The following ACVR1C variants were observed in gnomAD, a reference collection of about 807,000 sequenced individuals.
The protein encoded by ACVR1C is activin A receptor type 1C.
In ACVR1C, 23 loss-of-function variants were observed where a neutral mutation model predicts 57.9. The ratio of observed to expected loss-of-function variants is 0.40; its 90% CI spans 0.29 to 0.56. ACVR1C has a LOEUF of 0.56. Ranked by LOEUF, ACVR1C falls within the 20% of genes least tolerant of loss-of-function variation. ACVR1C has a pLI of 0.50. For missense variants in ACVR1C, 480 were observed against 607.9 expected (o/e 0.79, Z 2.21); for synonymous variants, 214 against 215.3 (o/e 0.99, Z 0.05).
chr2:157,593,519 G>A lies in ACVR1C; in HGVS notation c.74-6102C>T, dbSNP rs1490970242. ...AAATATTTTTTTAATTCAGAAAACTGTCTCAGATTTGACCTGCTGAATATG... is the reference window on the plus strand; with the variant it reads ...AAATATTTTTTTAATTCAGAAAACTATCTCAGATTTGACCTGCTGAATATG... On this transcript the variant is annotated intron_variant, in intron 1 of 8. Transcript: ENST00000243349. Among the ~76,000 whole-genome samples the A allele has an allele frequency of 2.0e-5, 3 of 152,106 alleles. No homozygotes were observed. In the East Asian group the frequency reaches 5.8e-4, roughly 29 times the overall value.
chr2:157,577,644 A>G (rs1688695381), intron 2 of ACVR1C, among the ~76,000 whole-genome samples: 1 of 151,982 alleles, frequency 6.6e-6, no homozygotes, highest in Non-Finnish European at 1.5e-5. Context: ...ACATTTCTGT[A>G]GACCTTTATT....
intron 1 of ACVR1C, among the ~76,000 whole-genome samples, chr2:157,606,705 A>G (rs1682405980): frequency 6.6e-6 from 1 of 151,696 alleles, no homozygotes; most frequent in Non-Finnish European, 1.5e-5. Context: ...TATTCTGGAT[A>G]TTAGTCCCCT....
intron 1 of ACVR1C, among the ~76,000 whole-genome samples, chr2:157,612,293 G>GT (rs777489198): frequency 6.6e-6 from 1 of 152,180 alleles, no homozygotes; most frequent in African/African-American, 2.4e-5. Flanking sequence ...TACATTGAGA[G>GT]TGGGGGCTCA....
chr2:157,620,696 A>T (rs1186268052), intron 1 of ACVR1C, among the ~76,000 whole-genome samples: 1 of 152,166 alleles, frequency 6.6e-6, no homozygotes, highest in Non-Finnish European at 1.5e-5. Context: ...CAATGATCAC[A>T]TCAGGAGAAT....
chr2:157,550,032 A>T, intron 4 of ACVR1C, 130 bp downstream of exon 4: 6 of 769,882 alleles, frequency 7.8e-6, no homozygotes, highest in Non-Finnish European at 1.2e-5. Flanking sequence ...GAAAAGGAAA[A>T]GGAAAAAAAA....
intron 2 of ACVR1C, among the ~76,000 whole-genome samples, chr2:157,580,114 C>T (rs535222861): frequency 3.3e-5 from 5 of 151,990 alleles, no homozygotes; most frequent in South Asian, 2.1e-4. Context: ...CACACGTGCG[C>T]GTGCTATTTA....
Position 157,538,627 on chromosome 2 carries a change from A to G in ACVR1C, c.1302T>C (p.Val434=). 1 of 1,586,902 alleles carries G rather than the reference A, an allele frequency of 6.3e-7. No individual in the cohort carries two copies. The highest frequency in any genetic ancestry group is 8.6e-7 in the Non-Finnish European group (1 of 1,166,952). The change falls in exon 8 of 9, where the codon GTT becomes GTC. Residue 434 remains valine, a synonymous_variant. Transcript: ENST00000243349. The part of the protein sequence containing the change: ...SDPSIEEMRK[V]VCDQKFRPSI... ...TTGGTCGAAACTTCTGGTCACAAAC[A>G]ACCTTTCTCATTTCCTCTATCGAGG...
At chr2:157,597,010 A>T (rs1273041537) in intron 1 of ACVR1C, among the ~76,000 whole-genome samples, 1 of 151,946 alleles carries the variant, frequency 6.6e-6, no homozygotes, top group African/African-American at 2.4e-5. Flanking sequence ...CGGGTAAGGG[A>T]CGGGGCAGGG....
chr2:157,597,205 A>T (rs1194305511), intron 1 of ACVR1C, among the ~76,000 whole-genome samples: 9 of 152,170 alleles, frequency 5.9e-5, no homozygotes, highest in Non-Finnish European at 8.8e-5. Flanking sequence ...TCCTGCTGCG[A>T]CGCGGCCCTG....
At position 157,624,364 on chromosome 2, in the gene ACVR1C, A is replaced by T. The variant is rs527366360; in HGVS notation, c.73+4208T>A. On this transcript the variant is annotated intron_variant, in intron 1 of 8. Transcript: ENST00000243349. ...AACCTTATTTACGGCAAGAGATGCA[A>T]GTAGTGCCAAGAAAAGTACAACAAA... 2.6e-5 allele frequency among the ~76,000 whole-genome samples: 4 copies of T among 152,308 alleles called. No individual in the cohort carries two copies. The South Asian group carries it at 8.3e-4, about 32-fold the overall frequency.
chr2:157,535,921 G>A (rs1687475554), intron 8 of ACVR1C, among the ~76,000 whole-genome samples: 1 of 152,156 alleles, frequency 6.6e-6, no homozygotes, highest in Non-Finnish European at 1.5e-5. Flanking sequence ...TAAGTTCCAT[G>A]ATGACAGGAT....
At chr2:157,575,645 T>C (rs911893618) in intron 2 of ACVR1C, among the ~76,000 whole-genome samples, 2 of 152,316 alleles carry the variant, frequency 1.3e-5, no homozygotes, top group South Asian at 2.1e-4. Context: ...AACTCAGTTA[T>C]ATTACCACAT....
At chr2:157,591,919 C>T (rs925350021) in intron 1 of ACVR1C, among the ~76,000 whole-genome samples, 1 of 151,972 alleles carries the variant, frequency 6.6e-6, no homozygotes, top group Non-Finnish European at 1.5e-5. Flanking sequence ...AGCAATGGTA[C>T]CTTTCATGAC....
chr2:157,549,128 G>A (rs555261397), intron 4 of ACVR1C, among the ~76,000 whole-genome samples: 333 of 152,234 alleles, frequency 2.2e-3, no homozygotes, highest in Non-Finnish European at 3.5e-3. Context: ...GGCCGAGGGG[G>A]GTGGATAACG....
intron 1 of ACVR1C, among the ~76,000 whole-genome samples, chr2:157,589,247 T>C (rs1478048935): frequency 6.6e-6 from 1 of 151,980 alleles, no homozygotes; most frequent in Non-Finnish European, 1.5e-5. Context: ...TAAGCTGGTA[T>C]CACACTGTGA....
At position 157,530,879 on chromosome 2, in the gene ACVR1C, T is replaced by C. The variant is rs567086651; in HGVS notation, c.*3039A>G. 3.9e-5 allele frequency: 6 copies of C among 152,224 alleles called. No individual in the cohort carries two copies. The South Asian group carries it at 1.2e-3, about 31-fold the overall frequency. The allele number at this position is 152,224 out of a possible 1,614,324, so 9.4% of individuals were successfully genotyped here. A position where few individuals can be genotyped will look rare whatever the true frequency, so the allele number is the denominator to read the frequency against. On this transcript the variant is annotated 3_prime_UTR_variant, in exon 9 of 9. Coordinates refer to ENST00000243349, the MANE Select transcript of ACVR1C (RefSeq NM_145259.3). ...CAAAATTTACAAGGCAACAAGTTCATGCTGAAATACTGACAACAAATAATG... is the reference window on the plus strand; with the variant it reads ...CAAAATTTACAAGGCAACAAGTTCACGCTGAAATACTGACAACAAATAATG...
At chr2:157,553,382 G>A (rs1415863580) in intron 3 of ACVR1C, among the ~76,000 whole-genome samples, 1 of 149,400 alleles carries the variant, frequency 6.7e-6, no homozygotes, top group African/African-American at 2.5e-5. Context: ...ATCCATGCTT[G>A]GGTACATTTA....
At chr2:157,563,147 G>T (rs1688282491) in intron 2 of ACVR1C, among the ~76,000 whole-genome samples, 1 of 152,140 alleles carries the variant, frequency 6.6e-6, no homozygotes, top group African/African-American at 2.4e-5. Flanking sequence ...AGGAAATAAA[G>T]CGTATTCAAA....
chr2:157,597,182 G>T (rs1682145432), intron 1 of ACVR1C, among the ~76,000 whole-genome samples: 1 of 152,196 alleles, frequency 6.6e-6, no homozygotes, highest in Non-Finnish European at 1.5e-5. Flanking sequence ...TCACCAGGCA[G>T]TGTGGAAATA....
Sources: gnomAD v4.1 joint callset for allele counts (sites outside exome capture counted in the v4.1 genomes callset) on GRCh38, gnomAD v4.1.1 for gene constraint, MANE v1.5 for transcripts, NCBI Gene and HGNC (gene_info 2026-07-23, HGNC 2026-07-21) for gene names.